The following ALDH16A1 variants were observed in gnomAD, a reference collection of about 807,000 sequenced individuals.
The protein encoded by ALDH16A1 is aldehyde dehydrogenase 16 family member A1.
Under a neutral mutation model 96.1 loss-of-function variants are expected in ALDH16A1, and 88 were observed. The ratio of observed to expected loss-of-function variants is 0.92; its 90% CI spans 0.77 to 1.09. ALDH16A1 has a LOEUF of 1.09. ALDH16A1 is among the 50% of genes least tolerant of loss of function. The pLI is 0.00. For missense variants in ALDH16A1, 1,250 were observed against 1,112.6 expected, an observed-to-expected ratio of 1.12 and a Z score of -1.76; for synonymous variants, 522 against 496.4, an observed-to-expected ratio of 1.05 and a Z score of -0.69.
In ALDH16A1 at chr19:49,461,901, AC is replaced by A; in HGVS notation, c.778del (p.Arg260GlyfsTer22). The A allele has an allele frequency of 6.3e-7, 1 of 1,583,880 alleles. No homozygotes were observed. Among genetic ancestry groups the A allele is most frequent in the Non-Finnish European group, 8.6e-7 (1 of 1,165,576 alleles). ...GTCCCTAGGAAGGGCGTGCCCTTCG[AC>A]GGAGCCTGGCGGGAGAGTGTGCGGA... The part of the protein sequence containing the change: ...GAPEEGRALR[R>X]SLAGECAELG... On this transcript the variant is annotated frameshift_variant, in exon 7 of 17. Coordinates refer to ENST00000293350, the MANE Select transcript of ALDH16A1 (RefSeq NM_153329.4). LOFTEE classifies it high-confidence loss of function.
In ALDH16A1 at chr19:49,469,101, C is replaced by G. The variant is rs972295052; in HGVS notation, c.2247+115C>G. The G allele has an allele frequency of 4.8e-6, 7 of 1,450,596 alleles. No individual in the cohort carries two copies. In the Admixed American group the frequency reaches 1.1e-4, roughly 23 times the overall value. The allele number at this position is 1,450,596 out of a possible 1,614,324, so 89.9% of individuals were successfully genotyped here. A position where few individuals can be genotyped will look rare whatever the true frequency, so the allele number is the denominator to read the frequency against. On this transcript the variant is annotated intron_variant, in intron 16 of 16. Coordinates refer to ENST00000293350, the MANE Select transcript of ALDH16A1 (RefSeq NM_153329.4). ...CTCCTGTTGGTAAGGGGAGAAACTCCTTGACAAGAAGGTTTTGAGGCCCCG... is the reference window on the plus strand; with the variant it reads ...CTCCTGTTGGTAAGGGGAGAAACTCGTTGACAAGAAGGTTTTGAGGCCCCG...
At position 49,460,817 on chromosome 19, in the gene ALDH16A1, T is replaced by C. The variant is rs1261718869; in HGVS notation, c.500-5T>C. The stretch of plus-strand genomic sequence containing the variant: ...GGATCCTCTTGCCTCATTTTTTTCT[T>C]GCAGGAGTAATTGGCCTCATCCTGC... On this transcript the variant is annotated splice_region_variant and splice_polypyrimidine_tract_variant and intron_variant, in intron 4 of 16. Transcript: ENST00000293350. 10 of 1,613,092 alleles carry C rather than the reference T, an allele frequency of 6.2e-6. No homozygotes were observed. The highest frequency in any genetic ancestry group is 6.8e-6 in the Non-Finnish European group (8 of 1,179,702).
chr19:49,454,031 G>GTGTTTTTTT (rs2079090337), intron 1 of ALDH16A1, among the ~76,000 whole-genome samples: 1 of 135,184 alleles, frequency 7.4e-6, no homozygotes, highest in African/African-American at 2.8e-5. Context: ...TTTTTTTTTT[G>GTGTTTTTTT]TTTTTTTTTT....
At chr19:49,461,009 GGAA>G in intron 5 of ALDH16A1, 110 bp downstream of exon 5, 1 of 1,222,136 alleles carries the variant, frequency 8.2e-7, no homozygotes, top group Non-Finnish European at 1.2e-6. Context: ...TGGACTCTGT[GGAA>G]GGAGTCTGTG....
intron 1 of ALDH16A1, 32 bp downstream of exon 1, chr19:49,453,453 G>T: frequency 6.6e-7 from 1 of 1,506,512 alleles, no homozygotes; most frequent in Non-Finnish European, 8.9e-7. Context: ...GCTGCTCGCT[G>T]CGTTCCCCAG....
chr19:49,454,924 G>C (rs915444741), intron 1 of ALDH16A1, among the ~76,000 whole-genome samples: 2 of 152,094 alleles, frequency 1.3e-5, no homozygotes, highest in Middle Eastern at 3.2e-3. Context: ...TTCGAGACCA[G>C]CCTGGCCAAC....
In ALDH16A1 at chr19:49,461,644, C is replaced by T. The variant is rs1271941978; in HGVS notation, c.603C>T (p.Pro201=). 6 of 1,599,092 alleles carry T rather than the reference C, an allele frequency of 3.8e-6. No individual in the cohort carries two copies. Among genetic ancestry groups the T allele is most frequent in the Non-Finnish European group, 5.1e-6 (6 of 1,173,414 alleles). The change falls in exon 6 of 17, where the codon CCC becomes CCT. Residue 201 remains proline (P), a synonymous_variant. Coordinates refer to ENST00000293350, the MANE Select transcript of ALDH16A1 (RefSeq NM_153329.4). ...AVGCTVVALV[P]PASPAPLLLA... ...GCTGCACCGTGGTGGCCCTCGTGCCCCCGGCCTCCCCGGCGCCCCTCCTCC... is the reference window on the plus strand; with the variant it reads ...GCTGCACCGTGGTGGCCCTCGTGCCTCCGGCCTCCCCGGCGCCCCTCCTCC...
chr19:49,464,433 G>A lies in ALDH16A1; in HGVS notation c.1348G>A (p.Val450Ile). Residue 450 changes from valine to isoleucine, a missense_variant, in exon 11 of 17, where the codon GTC becomes ATC. By Grantham distance (29) the Val-to-Ile change is conservative. Coordinates refer to ENST00000293350, the MANE Select transcript of ALDH16A1 (RefSeq NM_153329.4). ...TCCCCACAGGCTCCAGGTGGGCACT[G>A]TCTGGATCAACGCCCACGGCCTCAG... ...ELGYGLQVGT[V>I]WINAHGLRDP... The A allele has an allele frequency of 5.6e-6, 9 of 1,605,396 alleles. No homozygotes were observed. Among genetic ancestry groups the A allele is most frequent in the South Asian group, 1.1e-5 (1 of 89,922 alleles).
chr19:49,462,757 T>A lies in ALDH16A1; in HGVS notation c.1098+2T>A. On this transcript the variant is annotated splice_donor_variant, in intron 8 of 16. Transcript: ENST00000293350. LOFTEE classifies it high-confidence loss of function. ...GAGGCCCAGAGCCAGGGTGCACAGG[T>A]GAGGCAGGGGGTAGAGACTTGAGGG... The A allele has an allele frequency of 6.4e-7, 1 of 1,570,828 alleles. No individual in the cohort carries two copies. The highest frequency in any genetic ancestry group is 8.6e-7 in the Non-Finnish European group (1 of 1,160,012).
chr19:49,459,135 C>T lies in ALDH16A1; in HGVS notation c.320+49C>T. On this transcript the variant is annotated intron_variant, in intron 3 of 16. Coordinates refer to ENST00000293350, the MANE Select transcript of ALDH16A1 (RefSeq NM_153329.4). The surrounding 1 kb of genome is among the most constrained non-coding windows in gnomAD (Gnocchi z 4.1). ...CCGGGAGGCGGGGAACCCCAGCATC[C>T]ACTCGAGACCATGGGAACAAAGGCT... 11 of 1,578,182 alleles carry T rather than the reference C, an allele frequency of 7.0e-6. No individual in the cohort carries two copies. The highest frequency in any genetic ancestry group is 8.6e-6 in the Non-Finnish European group (10 of 1,160,124).
intron 9 of ALDH16A1, 56 bp from the exon 10 acceptor site, chr19:49,464,071 C>T: frequency 6.3e-7 from 1 of 1,588,538 alleles, no homozygotes; most frequent in Non-Finnish European, 8.6e-7. Context: ...CTGCTCTAGG[C>T]TCCTTCCCTG....
intron 7 of ALDH16A1, among the ~76,000 whole-genome samples, chr19:49,462,245 C>CTCT (rs1568652322): frequency 1.1e-4 from 5 of 43,512 alleles, no homozygotes; most frequent in Non-Finnish European, 2.6e-4. Context: ...CTGGGAGTAG[C>CTCT]TGCCTCAGCC....
Position 49,466,243 on chromosome 19 carries a change from C to T in ALDH16A1, c.1898C>T (p.Ala633Val), listed in dbSNP as rs1461919036. ...EVELSARRLR[A>V]WGARVQAQGH... ...GAGCTGAGCGCAAGACGACTTCGGG[C>T]GTGGGGGGCCCGGGTGCAGGCCCAA... Residue 633 changes from alanine to valine, a missense_variant, in exon 14 of 17, where the codon GCG becomes GTG. Coordinates refer to ENST00000293350, the MANE Select transcript of ALDH16A1 (RefSeq NM_153329.4). 5.4e-6 allele frequency: 8 copies of T among 1,485,286 alleles called. No individual in the cohort carries two copies. The East Asian group carries it at 7.1e-5, about 13-fold the overall frequency. The allele number at this position is 1,485,286 out of a possible 1,614,324, so 92.0% of individuals were successfully genotyped here. A position where few individuals can be genotyped will look rare whatever the true frequency, so the allele number is the denominator to read the frequency against.
intron 4 of ALDH16A1, 92 bp from the exon 5 acceptor site, chr19:49,460,729 TC>T (rs74182056): frequency 0.014 from 13,248 of 957,086 alleles, 107 homozygotes; most frequent in Middle Eastern, 0.02. Flanking sequence ...TTTTTTTTTT[TC>T]CTAATGTAGC....
At chr19:49,453,724 C>G (rs2079087560) in intron 1 of ALDH16A1, among the ~76,000 whole-genome samples, 1 of 152,132 alleles carries the variant, frequency 6.6e-6, no homozygotes, top group Admixed American at 6.5e-5. Context: ...CCTCAGGGTC[C>G]CCTCAGAACC....
At chr19:49,453,935 G>T (rs2079088859) in intron 1 of ALDH16A1, among the ~76,000 whole-genome samples, 1 of 151,788 alleles carries the variant, frequency 6.6e-6, no homozygotes, top group Admixed American at 6.6e-5. Context: ...GATCCCATAG[G>T]ACCCCTCAAT....
rs1353056299 is a variant in ALDH16A1 at position 49,470,906 on chromosome 19, C to T, written c.*439C>T. On this transcript the variant is annotated 3_prime_UTR_variant, in exon 17 of 17. Transcript: ENST00000293350. ...AACAGAGAAAGGGGACCCCCGAGGA[C>T]CCCAGACAGGGCCTTAGGACTCTCA... is the stretch of plus-strand genomic sequence containing the variant. 2 of 154,996 alleles carry T rather than the reference C, an allele frequency of 1.3e-5. No homozygotes were observed. The highest frequency in any genetic ancestry group is 4.8e-5 in the African/African-American group (2 of 41,572). 9.6% of individuals were successfully genotyped at this position (154,996 alleles called of 1,614,324 possible). A position where few individuals can be genotyped will look rare whatever the true frequency, so the allele number is the denominator to read the frequency against.
Position 49,460,880 on chromosome 19 carries a change from TTGCCC to T in ALDH16A1, c.566_570del (p.Ala189GlyfsTer128). 6.2e-7 allele frequency: 1 copy of T among 1,613,622 alleles called. No homozygotes were observed. The highest frequency in any genetic ancestry group is 2.2e-5 in the East Asian group (1 of 44,888). On this transcript the variant is annotated frameshift_variant, in exon 5 of 17. Transcript: ENST00000293350. LOFTEE classifies it high-confidence loss of function. ...CCTTCCTTGAGATGATGTGGAGGAT[TTGCCC>T]TGCCCTGGCTGTGGGTAAATGATGG...
intron 16 of ALDH16A1, 42 bp downstream of exon 16, chr19:49,469,028 T>G: frequency 6.3e-7 from 1 of 1,576,450 alleles, no homozygotes; most frequent in Non-Finnish European, 8.6e-7. Context: ...ATCTCAAACT[T>G]CAAACAGGCT....
Sources: gnomAD v4.1 joint callset for allele counts (sites outside exome capture counted in the v4.1 genomes callset) on GRCh38, gnomAD v4.1.1 for gene constraint, Gnocchi (gnomAD v3.1) non-coding constraint, MANE v1.5 for transcripts, NCBI Gene and HGNC (gene_info 2026-07-23, HGNC 2026-07-21) for gene names.